KIAA0825: variants seen among roughly 807,000 people sequenced by gnomAD.
The protein encoded by KIAA0825 is KIAA0825, also known as uncharacterized protein KIAA0825.
A neutral mutation model predicts 147.6 loss-of-function variants in KIAA0825; 119 were observed. The observed-to-expected ratio is 0.81, with a 90% CI of 0.69 to 0.94. The LOEUF is 0.94. KIAA0825 is among the 40% of genes least tolerant of loss of function. KIAA0825 has a pLI of 0.00. For synonymous variants in KIAA0825, 470 were observed against 518.1 expected, an observed-to-expected ratio of 0.91 and a Z score of 1.26; for missense variants, 1,381 against 1,472.7, an observed-to-expected ratio of 0.94 and a Z score of 1.02.
intron 2 of KIAA0825, among the ~76,000 whole-genome samples, chr5:94,553,471 A>T (rs955210361): frequency 3.3e-5 from 5 of 151,654 alleles, no homozygotes; most frequent in Non-Finnish European, 7.4e-5. Context: ...AAGTAAAAAA[A>T]AAATATTTAC....
At chr5:94,209,556 T>C (rs1193250680) in intron 20 of KIAA0825, among the ~76,000 whole-genome samples, 5 of 152,226 alleles carry the variant, frequency 3.3e-5, no homozygotes, top group Non-Finnish European at 7.3e-5. Context: ...GTTGTGCTCA[T>C]GCTTGCATAA....
rs550591320 is a variant in KIAA0825 at position 94,586,153 on chromosome 5, T to C, written c.-152-3570A>G. On this transcript the variant is annotated intron_variant, in intron 1 of 20. Coordinates refer to ENST00000682413, the MANE Select transcript of KIAA0825 (RefSeq NM_001145678.3). ...AACTAGAGAAGCAAGAGCAAATAAA[T>C]TCAACAGCTAGCAGAAGACAAGAAA... Among the ~76,000 whole-genome samples the C allele has an allele frequency of 6.6e-5, 10 of 152,070 alleles. No individual in the cohort carries two copies. In the South Asian group the frequency reaches 1.2e-3, roughly 19 times the overall value.
At chr5:94,332,870 T>G (rs1781425420) in intron 20 of KIAA0825, among the ~76,000 whole-genome samples, 1 of 152,194 alleles carries the variant, frequency 6.6e-6, no homozygotes, top group Non-Finnish European at 1.5e-5. Context: ...CTCCTGTTTC[T>G]CCACATCCTC....
At chr5:94,513,978 G>A (rs944130428) in intron 5 of KIAA0825, among the ~76,000 whole-genome samples, 7 of 152,038 alleles carry the variant, frequency 4.6e-5, no homozygotes, top group Admixed American at 3.9e-4. Flanking sequence ...TTGTTAACCA[G>A]CCAAAATGCT....
At chr5:94,452,605 A>G (rs150534101) in intron 13 of KIAA0825, among the ~76,000 whole-genome samples, 2 of 152,324 alleles carry the variant, frequency 1.3e-5, no homozygotes, top group African/African-American at 2.4e-5. Context: ...TTCAACTTCT[A>G]CCTAAGGCTC....
chr5:94,303,577 A>G (rs1334168686), intron 20 of KIAA0825, among the ~76,000 whole-genome samples: 1 of 152,082 alleles, frequency 6.6e-6, no homozygotes, highest in Non-Finnish European at 1.5e-5. Context: ...ACTTAGAAAT[A>G]TATATTTGTT....
intron 12 of KIAA0825, among the ~76,000 whole-genome samples, chr5:94,455,569 C>T (rs549268821): frequency 1.1e-4 from 16 of 151,810 alleles, no homozygotes; most frequent in African/African-American, 3.9e-4. Flanking sequence ...GAAGGAGCCA[C>T]AAGACAAGAT....
chr5:94,229,109 T>G (rs1774461350), intron 20 of KIAA0825, among the ~76,000 whole-genome samples: 2 of 152,232 alleles, frequency 1.3e-5, no homozygotes, highest in African/African-American at 4.8e-5. Flanking sequence ...TTTGCTTCCC[T>G]CCTGTGTTAG....
At chr5:94,336,590 C>T (rs1024700941) in intron 20 of KIAA0825, among the ~76,000 whole-genome samples, 1 of 152,126 alleles carries the variant, frequency 6.6e-6, no homozygotes, top group Admixed American at 6.5e-5. Context: ...AGGACAAGAA[C>T]TCATCCTTTT....
intron 20 of KIAA0825, among the ~76,000 whole-genome samples, chr5:94,234,264 G>A (rs560218213): frequency 1.3e-4 from 20 of 151,962 alleles, no homozygotes; most frequent in Admixed American, 3.9e-4. Context: ...CCAGCTACGC[G>A]GGAGGCTGAG....
chr5:94,472,413 T>G (rs544122691), intron 8 of KIAA0825, among the ~76,000 whole-genome samples: 5 of 152,168 alleles, frequency 3.3e-5, no homozygotes, highest in Non-Finnish European at 7.4e-5. Flanking sequence ...AGAGTGACTG[T>G]GGCAGAATAA....
At chr5:94,416,244 AG>A (rs1400534568) in intron 15 of KIAA0825, 1 of 152,202 alleles carries the variant, frequency 6.6e-6, no homozygotes, top group African/African-American at 2.4e-5. Flanking sequence ...GCTAGTTTAT[AG>A]GGATAATGGC....
chr5:94,281,544 T>C (rs1040861338), intron 20 of KIAA0825, among the ~76,000 whole-genome samples: 4 of 152,066 alleles, frequency 2.6e-5, no homozygotes, highest in Non-Finnish European at 5.9e-5. Context: ...GCAGCTAGGA[T>C]TGGTAGAGTT....
intron 20 of KIAA0825, among the ~76,000 whole-genome samples, chr5:94,322,923 T>C (rs1780331775): frequency 6.6e-6 from 1 of 151,790 alleles, no homozygotes; most frequent in South Asian, 2.1e-4. Context: ...TTTTTTTTTT[T>C]AAGTTGGTGA....
chr5:94,502,015 T>C (rs553216448), intron 5 of KIAA0825, among the ~76,000 whole-genome samples: 2 of 152,250 alleles, frequency 1.3e-5, no homozygotes, highest in African/African-American at 4.8e-5. Flanking sequence ...ATCTGTGATA[T>C]AAGTAAAAAA....
intron 2 of KIAA0825, among the ~76,000 whole-genome samples, chr5:94,574,294 C>T (rs1780541244): frequency 6.6e-6 from 1 of 152,022 alleles, no homozygotes; most frequent in African/African-American, 2.4e-5. Context: ...CCTGTAATCC[C>T]AGCACTTTGG....
chr5:94,224,347 C>T (rs545926399), intron 20 of KIAA0825, among the ~76,000 whole-genome samples: 1 of 151,936 alleles, frequency 6.6e-6, no homozygotes, highest in Admixed American at 6.6e-5. Flanking sequence ...CAGCCCATCT[C>T]GGCCTCCCAA....
intron 1 of KIAA0825, among the ~76,000 whole-genome samples, chr5:94,610,654 C>T (rs918091232): frequency 1.4e-5 from 2 of 146,302 alleles, no homozygotes; most frequent in Non-Finnish European, 3.0e-5. Context: ...GTCCCAGCTA[C>T]TCGGGAGGCT....
intron 5 of KIAA0825, among the ~76,000 whole-genome samples, chr5:94,507,108 T>C (rs2151144713): frequency 6.6e-6 from 1 of 152,294 alleles, no homozygotes; most frequent in East Asian, 1.9e-4. Flanking sequence ...AGAAAGATAT[T>C]ATCCAAATTC....
Sources: gnomAD v4.1 joint callset for allele counts (sites outside exome capture counted in the v4.1 genomes callset) on GRCh38, gnomAD v4.1.1 for gene constraint, MANE v1.5 for transcripts, NCBI Gene and HGNC (gene_info 2026-07-23, HGNC 2026-07-21) for gene names.